PVT1: variants seen among roughly 807,000 people sequenced by gnomAD.
PVT1 encodes the protein CXCR4/PVT1 fusion.
intron 2 of PVT1, among the ~76,000 whole-genome samples, chr8:127,836,879 G>A (rs543797366): frequency 8.5e-5 from 13 of 152,100 alleles, no homozygotes; most frequent in African/African-American, 3.1e-4. Flanking sequence ...GCTGGGCCGG[G>A]AGTCCCCCAC....
intron 4 of PVT1, among the ~76,000 whole-genome samples, chr8:128,036,362 C>T (rs1586491419): frequency 6.6e-6 from 1 of 152,184 alleles, no homozygotes; most frequent in Admixed American, 6.5e-5. Flanking sequence ...ACCTTCCTCC[C>T]GTGCCTTACC....
At chr8:128,030,223 T>A (rs7827564) in intron 4 of PVT1, among the ~76,000 whole-genome samples, 21,969 of 152,238 alleles carry the variant, frequency 0.14, 3,586 homozygotes, top group African/African-American at 0.41. Context: ...GCTAGTTTAT[T>A]ACCATGTGTA....
intron 3 of PVT1, among the ~76,000 whole-genome samples, chr8:127,929,199 G>GTTT (rs34027484): frequency 7.2e-6 from 1 of 138,132 alleles, no homozygotes; most frequent in African/African-American, 2.7e-5. Flanking sequence ...TCATTTTTCT[G>GTTT]TTTTTTTTTT....
At chr8:128,033,900 C>T (rs1427735715) in intron 4 of PVT1, among the ~76,000 whole-genome samples, 1 of 152,150 alleles carries the variant, frequency 6.6e-6, no homozygotes, top group Non-Finnish European at 1.5e-5. Context: ...CCTGAGGCCC[C>T]TCTCCACACT....
chr8:127,962,691 G>T (rs908416509), intron 3 of PVT1, among the ~76,000 whole-genome samples: 1 of 152,062 alleles, frequency 6.6e-6, no homozygotes. Flanking sequence ...CTGCCTCCTG[G>T]GTTCAAGTGA....
intron 2 of PVT1, among the ~76,000 whole-genome samples, chr8:127,799,949 AAAT>A (rs1563608590): frequency 6.6e-6 from 1 of 152,204 alleles, no homozygotes; most frequent in South Asian, 2.1e-4. Context: ...ATGAGAAAGT[AAAT>A]AAAGCTGCAG....
intron 4 of PVT1, among the ~76,000 whole-genome samples, chr8:128,021,322 C>T (rs1016310913): frequency 1.3e-4 from 12 of 92,926 alleles, no homozygotes; most frequent in African/African-American, 4.7e-4. Flanking sequence ...GAGACGGAGT[C>T]TAGCTCTGTT....
At chr8:127,817,506 TTTAAATAG>T (rs1814677437) in intron 2 of PVT1, among the ~76,000 whole-genome samples, 2 of 127,736 alleles carry the variant, frequency 1.6e-5, no homozygotes, top group African/African-American at 6.0e-5. Context: ...TACATATATA[TTTAAATAG>T]ATATATCTAT....
chr8:127,868,770 C>CGT (rs1815312649), intron 2 of PVT1, among the ~76,000 whole-genome samples: 8 of 504 alleles, frequency 0.016, no homozygotes, highest in East Asian at 0.12. Flanking sequence ...TTCCTTTTAA[C>CGT]ATATATATAT....
At chr8:128,088,856 G>A (rs1470766571) in intron 5 of PVT1, among the ~76,000 whole-genome samples, 3 of 152,192 alleles carry the variant, frequency 2.0e-5, no homozygotes, top group African/African-American at 7.2e-5. Context: ...GTAGACCAGC[G>A]GTTTCGGGAG....
At chr8:128,064,996 GC>G (rs1428702214) in intron 4 of PVT1, among the ~76,000 whole-genome samples, 1 of 152,144 alleles carries the variant, frequency 6.6e-6, no homozygotes, top group African/African-American at 2.4e-5. Context: ...GATCTGGAAG[GC>G]CCCTTAGAAA....
intron 2 of PVT1, chr8:127,852,049 A>G (rs1480325325): frequency 6.6e-6 from 1 of 152,242 alleles, no homozygotes; most frequent in Non-Finnish European, 1.5e-5. Flanking sequence ...TTGGCTGACC[A>G]TAGGTGACTC....
At chr8:128,034,182 T>C (rs772768955) in intron 4 of PVT1, among the ~76,000 whole-genome samples, 11 of 151,100 alleles carry the variant, frequency 7.3e-5, no homozygotes, top group African/African-American at 2.0e-4. Flanking sequence ...CTCTCCTCCT[T>C]CTCCTCCTCC....
At chr8:127,957,833 C>T (rs897781010) in intron 3 of PVT1, among the ~76,000 whole-genome samples, 4 of 152,256 alleles carry the variant, frequency 2.6e-5, no homozygotes, top group African/African-American at 7.2e-5. Context: ...CACAGGCATG[C>T]GCATGGCGGG....
At chr8:128,070,889 T>A (rs982248505) in intron 5 of PVT1, among the ~76,000 whole-genome samples, 2 of 152,196 alleles carry the variant, frequency 1.3e-5, no homozygotes, top group Non-Finnish European at 2.9e-5. Context: ...AATATTTTAA[T>A]AAAGAAGAAG....
intron 3 of PVT1, among the ~76,000 whole-genome samples, chr8:127,893,262 TTTTTG>T (rs1434717143): frequency 1.3e-5 from 2 of 152,270 alleles, no homozygotes; most frequent in Admixed American, 1.3e-4. Context: ...GTTTTACTGT[TTTTTG>T]TTTTGTTTTG....
intron 3 of PVT1, among the ~76,000 whole-genome samples, chr8:127,967,782 C>A (rs2129957741): frequency 6.6e-6 from 1 of 152,344 alleles, no homozygotes; most frequent in East Asian, 1.9e-4. Flanking sequence ...AGGAGAAGAG[C>A]TCACGATGGT....
At chr8:127,951,136 T>C (rs933480421) in intron 3 of PVT1, among the ~76,000 whole-genome samples, 2 of 152,174 alleles carry the variant, frequency 1.3e-5, no homozygotes, top group African/African-American at 4.8e-5. Context: ...GACCTCATGA[T>C]CCACCTGCCT....
chr8:128,027,101 A>G (rs1813308580), intron 4 of PVT1, among the ~76,000 whole-genome samples: 1 of 151,956 alleles, frequency 6.6e-6, no homozygotes, highest in African/African-American at 2.4e-5. Flanking sequence ...TTACATAAGA[A>G]TCTCAGAGAT....
Sources: gnomAD v4.1 joint callset for allele counts (sites outside exome capture counted in the v4.1 genomes callset) on GRCh38, gnomAD v4.1.1 for gene constraint, MANE v1.5 for transcripts, NCBI Gene and HGNC (gene_info 2026-07-23, HGNC 2026-07-21) for gene names.